AMPH: variants seen among roughly 807,000 people sequenced by gnomAD.
AMPH encodes amphiphysin.
In AMPH, 49 loss-of-function variants were observed where a neutral mutation model predicts 99.1. That is an observed-to-expected ratio of 0.49 (90% CI 0.39 to 0.63). The LOEUF (loss-of-function observed/expected upper bound fraction) is 0.63. Ranked by LOEUF, AMPH falls within the 20% of genes least tolerant of loss-of-function variation. AMPH has a pLI of 0.00. For missense variants in AMPH, 759 were observed against 863.4 expected (o/e 0.88, Z 1.52); for synonymous variants, 314 against 317.3 (o/e 0.99, Z 0.11).
At chr7:38,578,659 C>T (rs1339896642) in intron 1 of AMPH, among the ~76,000 whole-genome samples, 1 of 152,070 alleles carries the variant, frequency 6.6e-6, no homozygotes, top group Non-Finnish European at 1.5e-5. Context: ...GTCCTAGCTA[C>T]TTGGGAGGCT....
chr7:38,630,796 T>G (rs776417118), intron 1 of AMPH, among the ~76,000 whole-genome samples: 1 of 152,182 alleles, frequency 6.6e-6, no homozygotes, highest in African/African-American at 2.4e-5. Context: ...TGCACTTAAG[T>G]AGCCACAAAA....
chr7:38,603,703 T>C (rs1793334753), intron 1 of AMPH, among the ~76,000 whole-genome samples: 1 of 152,176 alleles, frequency 6.6e-6, no homozygotes, highest in Non-Finnish European at 1.5e-5. Context: ...AAACCCAGCA[T>C]GCCAAGGGCT....
At chr7:38,607,058 T>A (rs1361526937) in intron 1 of AMPH, among the ~76,000 whole-genome samples, 1 of 152,162 alleles carries the variant, frequency 6.6e-6, no homozygotes, top group East Asian at 1.9e-4. Flanking sequence ...CTTTGAGAAA[T>A]CCCCATGTTT....
intron 11 of AMPH, among the ~76,000 whole-genome samples, chr7:38,440,007 C>T (rs1786440551): frequency 6.6e-6 from 1 of 152,156 alleles, no homozygotes; most frequent in South Asian, 2.1e-4. Flanking sequence ...CAAACAAAGG[C>T]TGGAAATGTG....
chr7:38,564,975 T>C (rs1791680756), intron 1 of AMPH, among the ~76,000 whole-genome samples: 1 of 151,806 alleles, frequency 6.6e-6, no homozygotes. Context: ...ATACAAAAAA[T>C]TAGCCGGGCG....
intron 1 of AMPH, among the ~76,000 whole-genome samples, chr7:38,542,928 T>C (rs749542113): frequency 5.3e-5 from 8 of 152,090 alleles, no homozygotes. Flanking sequence ...ACCCTGTCTC[T>C]ACTAAAAATA....
chr7:38,564,421 C>A (rs1427620229), intron 1 of AMPH, among the ~76,000 whole-genome samples: 1 of 152,280 alleles, frequency 6.6e-6, no homozygotes, highest in Middle Eastern at 3.4e-3. Context: ...GTGGTGGCCA[C>A]CTGGACCTGG....
At chr7:38,488,201 T>G (rs933640970) in intron 5 of AMPH, among the ~76,000 whole-genome samples, 16 of 152,152 alleles carry the variant, frequency 1.1e-4, no homozygotes, top group African/African-American at 3.1e-4. Flanking sequence ...TATAACTCAT[T>G]CTACAATAAA....
intron 17 of AMPH, among the ~76,000 whole-genome samples, chr7:38,399,852 A>C (rs1474347833): frequency 6.6e-6 from 1 of 152,152 alleles, no homozygotes; most frequent in Non-Finnish European, 1.5e-5. Context: ...TATTGGTCAA[A>C]TATATTTATG....
At chr7:38,491,780 T>C (rs1788726686) in intron 4 of AMPH, among the ~76,000 whole-genome samples, 1 of 152,162 alleles carries the variant, frequency 6.6e-6, no homozygotes, top group Non-Finnish European at 1.5e-5. Flanking sequence ...TCACATAACT[T>C]GGCCAAGGTT....
intron 1 of AMPH, among the ~76,000 whole-genome samples, chr7:38,555,581 T>C (rs1791334471): frequency 6.6e-6 from 1 of 152,166 alleles, no homozygotes; most frequent in African/African-American, 2.4e-5. Context: ...TTCTAAGGAA[T>C]ATTATAATAA....
intron 1 of AMPH, among the ~76,000 whole-genome samples, chr7:38,554,943 T>C (rs1283695805): frequency 3.9e-5 from 6 of 152,182 alleles, no homozygotes; most frequent in Non-Finnish European, 7.3e-5. Context: ...ACTTTCAATG[T>C]GAATTAAGGT....
chr7:38,473,620 C>T lies in AMPH; in HGVS notation c.590+1711G>A, dbSNP rs1419018740. On this transcript the variant is annotated intron_variant, in intron 7 of 20. Transcript: ENST00000356264. ...TCGGGAGGCTGAGGCAGGAGAATGG[C>T]GTGAACCCGGGAAGCGGAGCTTGCA... Among the ~76,000 whole-genome samples, 17 of 96,028 alleles carry T rather than the reference C, an allele frequency of 1.8e-4. 3 individuals carry two copies. The highest frequency in any genetic ancestry group is 5.5e-4 in the Admixed American group (4 of 7,330). 63.0% of individuals were successfully genotyped at this position (96,028 alleles called of 152,430 possible).
At chr7:38,427,064 A>G in intron 14 of AMPH, 78 bp from the exon 15 acceptor site, 1 of 1,315,358 alleles carries the variant, frequency 7.6e-7, no homozygotes, top group Non-Finnish European at 1.1e-6. Context: ...CCATTAGACA[A>G]GTTGGAAAGT....
chr7:38,392,377 CTTTTTTTTTTTTTTTTTT>C (rs574057389), intron 18 of AMPH, among the ~76,000 whole-genome samples: 1 of 42,030 alleles, frequency 2.4e-5, no homozygotes, highest in Non-Finnish European at 4.0e-5. Context: ...CGGCCTGGTT[CTTTTTTTTTTTTTTTTTT>C]TTTTTTTTTG....
intron 20 of AMPH, among the ~76,000 whole-genome samples, chr7:38,387,397 G>A (rs1018816139): frequency 6.6e-6 from 1 of 152,144 alleles, no homozygotes; most frequent in African/African-American, 2.4e-5. Context: ...CAGTAATAAT[G>A]AAAGACTATA....
chr7:38,483,267 C>A (rs1384241080), intron 5 of AMPH, among the ~76,000 whole-genome samples: 2 of 152,064 alleles, frequency 1.3e-5, no homozygotes, highest in African/African-American at 4.8e-5. Flanking sequence ...TGAATGCAGG[C>A]ACTTGCCATG....
chr7:38,436,123 C>T, intron 12 of AMPH, 149 bp downstream of exon 12: 2 of 626,060 alleles, frequency 3.2e-6, no homozygotes, highest in Admixed American at 2.9e-5. Context: ...ATAAGGTCCC[C>T]TTTCTACCCC....
intron 1 of AMPH, among the ~76,000 whole-genome samples, chr7:38,602,069 C>A (rs538714466): frequency 1.1e-4 from 16 of 152,322 alleles, no homozygotes; most frequent in African/African-American, 3.6e-4. Flanking sequence ...GGTCATCTCA[C>A]CCTGTCTATG....
Sources: allele counts gnomAD v4.1 joint callset (sites outside exome capture counted in the v4.1 genomes callset), GRCh38; gene constraint gnomAD v4.1.1; transcripts MANE v1.5; gene names NCBI Gene and HGNC (gene_info 2026-07-23, HGNC 2026-07-21).